SHROOM2: variants seen among roughly 807,000 people sequenced by gnomAD.
SHROOM2 encodes the protein shroom family member 2, also known as protein Shroom2.
SHROOM2 carries 33 observed loss-of-function variants against 75.9 expected under a neutral mutation model. That is an observed-to-expected ratio of 0.43 (90% CI 0.33 to 0.58). The LOEUF (loss-of-function observed/expected upper bound fraction) is 0.58. Among genes scored for constraint, SHROOM2 ranks in the 20% least tolerant of loss-of-function variants. The pLI is 0.04. For missense variants in SHROOM2, 1,434 were observed against 1,461.2 expected (o/e 0.98, Z 0.30); for synonymous variants, 655 against 663.6 (o/e 0.99, Z 0.20).
rs142549415 is a variant in SHROOM2 at position 9,896,335 on chromosome X, C to T, written c.2427C>T (p.Pro809=). The T allele has an allele frequency of 2.1e-5, 26 of 1,211,128 alleles. No homozygotes were observed. Among genetic ancestry groups the T allele is most frequent in the African/African-American group, 3.5e-5 (2 of 57,574 alleles). Residue 809 remains proline (P), a synonymous_variant, in exon 4 of 10, where the codon CCC becomes CCT. Coordinates refer to ENST00000380913, the MANE Select transcript of SHROOM2 (RefSeq NM_001649.4). ...KFFEETSKPV[P]QRPAQKQALH... ...TTGAGGAAACGAGCAAACCTGTTCC[C>T]CAGAGGCCTGCCCAGAAGCAAGCTC...
intron 5 of SHROOM2, among the ~76,000 whole-genome samples, chrX:9,901,968 C>G (rs2084367527): frequency 1.1e-5 from 1 of 91,659 alleles, no homozygotes; most frequent in African/African-American, 4.3e-5. Flanking sequence ...ATGGATGGAC[C>G]AGTCCTCAGG....
At chrX:9,808,632 TGGGTGGA>T (rs2083771478) in intron 1 of SHROOM2, among the ~76,000 whole-genome samples, 1 of 109,828 alleles carries the variant, frequency 9.1e-6, no homozygotes, top group Non-Finnish European at 1.9e-5. Context: ...GAGGCCAAGG[TGGGTGGA>T]TCACCTGAGG....
rs779062113 is a variant in SHROOM2, at chrX:9,937,695, C to T, written c.4139+10C>T. On this transcript the variant is annotated intron_variant, in intron 7 of 9. Coordinates refer to ENST00000380913, the MANE Select transcript of SHROOM2 (RefSeq NM_001649.4). The stretch of plus-strand genomic sequence containing the variant: ...GAAGCACAGAGGAGAGGTGAGTAGG[C>T]GTGGCCTCCCAGCTTGGGCGTGACT... 7.3e-5 allele frequency: 84 copies of T among 1,147,266 alleles called. No homozygotes were observed. In the South Asian group the frequency reaches 1.5e-3, roughly 21 times the overall value. 94.5% of individuals were successfully genotyped at this position (1,147,266 alleles called of 1,213,427 possible).
At chrX:9,836,366 A>T (rs2083945117) in intron 1 of SHROOM2, among the ~76,000 whole-genome samples, 1 of 110,949 alleles carries the variant, frequency 9.0e-6, no homozygotes, top group Admixed American at 9.6e-5. Context: ...ACAGATAGGA[A>T]CTGGAGGTTT....
intron 1 of SHROOM2, among the ~76,000 whole-genome samples, chrX:9,813,818 C>G (rs1368876360): frequency 1.8e-5 from 2 of 112,287 alleles, no homozygotes. Flanking sequence ...ACGAGTCAGA[C>G]TATTCTGATT....
intron 8 of SHROOM2, 67 bp from the exon 9 acceptor site, chrX:9,944,574 G>A: frequency 9.1e-7 from 1 of 1,101,358 alleles, no homozygotes; most frequent in Non-Finnish European, 1.2e-6. Context: ...GCAGTGAGCA[G>A]TGTGGCCGGG....
rs753962473 is a variant in SHROOM2 at position 9,895,015 on chromosome X, T to C, written c.1107T>C (p.Pro369=). 9.1e-6 allele frequency: 11 copies of C among 1,207,918 alleles called. No individual in the cohort carries two copies. The highest frequency in any genetic ancestry group is 1.7e-5 in the African/African-American group (1 of 57,240). The change falls in exon 4 of 10, where the codon CCT becomes CCC. Residue 369 remains proline, a synonymous_variant. Transcript: ENST00000380913. ...GDRRPELTDR[P]WRSAHPGSLG... ...GGAGACCAGAGCTCACCGATCGGCC[T>C]TGGAGGTCAGCACACCCGGGGAGCC...
At position 9,895,905 on chromosome X, in the gene SHROOM2, G is replaced by T. The variant is rs2084326684; in HGVS notation, c.1997G>T (p.Gly666Val). The change falls in exon 4 of 10, where the codon GGG becomes GTG. Residue 666 changes from glycine to valine, a missense_variant. Physicochemically the swap from Gly to Val is moderately radical, Grantham distance 109. Coordinates refer to ENST00000380913, the MANE Select transcript of SHROOM2 (RefSeq NM_001649.4). Reference protein sequence around the residue: ...AEDGTGRWRAGLGGGTQEGPL... With the variant: ...AEDGTGRWRAVLGGGTQEGPL... ...GATGGCACCGGCCGCTGGAGGGCCG[G>T]GTTGGGAGGTGGCACCCAGGAAGGA... The T allele has an allele frequency of 8.3e-7, 1 of 1,198,256 alleles. No individual in the cohort carries two copies. Among genetic ancestry groups the T allele is most frequent in the East Asian group, 3.0e-5 (1 of 33,515 alleles).
At chrX:9,890,782 G>A (rs1360582539) in intron 2 of SHROOM2, among the ~76,000 whole-genome samples, 195 bp from the exon 3 acceptor site, 7 of 105,478 alleles carry the variant, frequency 6.6e-5, no homozygotes, top group Non-Finnish European at 1.4e-4. Context: ...ACGCGCATGT[G>A]CTGTGTGCAG....
At chrX:9,903,541 C>T (rs1011540863) in intron 5 of SHROOM2, among the ~76,000 whole-genome samples, 5 of 111,019 alleles carry the variant, frequency 4.5e-5, no homozygotes, top group African/African-American at 1.6e-4. Context: ...CCCTTTATGT[C>T]TTTTTTTGAT....
intron 5 of SHROOM2, among the ~76,000 whole-genome samples, chrX:9,927,126 A>G (rs1279912674): frequency 1.8e-5 from 2 of 110,341 alleles, no homozygotes; most frequent in African/African-American, 6.6e-5. Context: ...AGGCAAAAGG[A>G]TCACTTGAGC....
intron 6 of SHROOM2, among the ~76,000 whole-genome samples, chrX:9,933,992 G>A (rs1214496793): frequency 3.6e-5 from 4 of 111,350 alleles, no homozygotes; most frequent in Non-Finnish European, 5.7e-5. Context: ...GGAGTGGGGG[G>A]TGCTCTCTGC....
chrX:9,935,493 A>G (rs2084694621), intron 6 of SHROOM2, among the ~76,000 whole-genome samples: 2 of 111,130 alleles, frequency 1.8e-5, no homozygotes, highest in South Asian at 7.6e-4. Context: ...GTTTTCCTTC[A>G]TAAGTCTGAC....
chrX:9,796,676 G>A (rs779665660), intron 1 of SHROOM2, among the ~76,000 whole-genome samples: 1 of 110,221 alleles, frequency 9.1e-6, no homozygotes, highest in Non-Finnish European at 1.9e-5. Flanking sequence ...ATGGGGTCTC[G>A]TTCTGTCATT....
chrX:9,886,305 C>T (rs1407588479), intron 2 of SHROOM2, among the ~76,000 whole-genome samples: 3 of 112,428 alleles, frequency 2.7e-5, no homozygotes, highest in South Asian at 3.7e-4. Context: ...CGCCCCTGTT[C>T]GGACTGTCCT....
chrX:9,869,805 T>G (rs898763409), intron 1 of SHROOM2, among the ~76,000 whole-genome samples: 1 of 112,792 alleles, frequency 8.9e-6, no homozygotes, highest in Non-Finnish European at 1.9e-5. Context: ...TTGAAATTTA[T>G]TTTTTATTGT....
At chrX:9,939,069 C>T (rs2084743329) in intron 7 of SHROOM2, 126 bp from the exon 8 acceptor site, 1 of 520,109 alleles carries the variant, frequency 1.9e-6, no homozygotes, top group South Asian at 4.8e-5. Context: ...CTTTGGCTGT[C>T]TCATCTCCCT....
chrX:9,882,614 G>T (rs747363680), intron 2 of SHROOM2, among the ~76,000 whole-genome samples: 1 of 111,860 alleles, frequency 8.9e-6, no homozygotes, highest in Non-Finnish European at 1.9e-5. Context: ...GCTCGGTTCT[G>T]CCTGTGGCTT....
chrX:9,878,802 G>T (rs1485226914), intron 2 of SHROOM2, among the ~76,000 whole-genome samples: 9 of 108,339 alleles, frequency 8.3e-5, no homozygotes, highest in African/African-American at 3.0e-4. Context: ...CAGATGGAGG[G>T]CATGCTCCTT....
Sources: gnomAD v4.1 joint callset for allele counts (sites outside exome capture counted in the v4.1 genomes callset) on GRCh38, gnomAD v4.1.1 for gene constraint, MANE v1.5 for transcripts, NCBI Gene and HGNC (gene_info 2026-07-23, HGNC 2026-07-21) for gene names.